Variants in ATG16L1 observed in about 807,000 individuals in gnomAD.
ATG16L1 encodes autophagy related 16 like 1.
A neutral mutation model predicts 88.5 loss-of-function variants in ATG16L1; 37 were observed. The observed-to-expected ratio is 0.42, with a 90% CI of 0.32 to 0.55. ATG16L1 has a LOEUF of 0.55. ATG16L1 is among the 20% of genes least tolerant of loss of function. The pLI is 0.13. For missense variants in ATG16L1, 554 were observed against 752.8 expected (o/e 0.74, Z 3.09); for synonymous variants, 301 against 281.0 (o/e 1.07, Z -0.71).
Position 233,292,180 on chromosome 2 carries a change from G to C in ATG16L1, c.1483G>C (p.Asp495His). 2.5e-6 allele frequency: 4 copies of C among 1,614,188 alleles called. No homozygotes were observed. Among genetic ancestry groups the C allele is most frequent in the Non-Finnish European group, 3.4e-6 (4 of 1,180,040 alleles). ...GCTGTTGGGAAAGATTACTGCCCTG[G>C]ACTTAAACCCAGAAAGGACTGAGCT... ...MELLGKITAL[D>H]LNPERTELLS... Residue 495 changes from aspartate (D) to histidine (H), a missense_variant, in exon 15 of 18, where the codon GAC becomes CAC. By Grantham distance (81) the Asp-to-His change is moderately conservative. Transcript: ENST00000392017.
At chr2:233,273,586 G>T in intron 7 of ATG16L1, 135 bp from the exon 8 acceptor site, 1 of 774,944 alleles carries the variant, frequency 1.3e-6, no homozygotes, top group Non-Finnish European at 2.2e-6. Context: ...GTACTGTGTT[G>T]GGTTTCTCTT....
chr2:233,267,692 G>C (rs1196282376), intron 5 of ATG16L1, among the ~76,000 whole-genome samples: 2 of 152,222 alleles, frequency 1.3e-5, no homozygotes, highest in Non-Finnish European at 2.9e-5. Context: ...GAGGGTGTTG[G>C]GGGCCCCAGG....
At chr2:233,268,339 A>G (rs1194621842) in intron 5 of ATG16L1, among the ~76,000 whole-genome samples, 2 of 152,224 alleles carry the variant, frequency 1.3e-5, no homozygotes, top group Non-Finnish European at 2.9e-5. Flanking sequence ...GGTGGCTGTA[A>G]TCCCGGCTAC....
At chr2:233,256,699 T>C (rs1421016975) in intron 2 of ATG16L1, among the ~76,000 whole-genome samples, 3 of 150,918 alleles carry the variant, frequency 2.0e-5, no homozygotes, top group East Asian at 1.9e-4. Flanking sequence ...TTTTCTTTTT[T>C]TTTTTTTTCT....
intron 6 of ATG16L1, among the ~76,000 whole-genome samples, chr2:233,270,347 C>G (rs543643160): frequency 6.6e-6 from 1 of 152,280 alleles, no homozygotes; most frequent in South Asian, 2.1e-4. Flanking sequence ...TTGTATTTTG[C>G]TGGCTTCTAA....
At chr2:233,289,764 A>C (rs1699335109) in intron 12 of ATG16L1, 90 bp from the exon 13 acceptor site, 1 of 1,549,154 alleles carries the variant, frequency 6.5e-7, no homozygotes, top group Non-Finnish European at 8.9e-7. Context: ...TGACACTCTG[A>C]CTCTGGAGGT....
chr2:233,275,962 G>A, intron 9 of ATG16L1: 1 of 519,154 alleles, frequency 1.9e-6, no homozygotes, highest in South Asian at 1.4e-5. Flanking sequence ...TGGCAGTCAT[G>A]GGTGTGATGG....
intron 17 of ATG16L1, 122 bp downstream of exon 17, chr2:233,293,479 G>T (rs577640000): frequency 6.9e-6 from 6 of 866,966 alleles, no homozygotes; most frequent in African/African-American, 6.6e-5. Context: ...CCACCTGCTC[G>T]GCTGGCTGAG....
chr2:233,264,431 G>A lies in ATG16L1; in HGVS notation c.389+366G>A, dbSNP rs533622083. ...CTTGGGAAAAGGGAAATGAGTTTGT[G>A]AGCAAAACTGTTGCTGACCAGGGAG... On this transcript the variant is annotated intron_variant, in intron 4 of 17. Transcript: ENST00000392017. Among the ~76,000 whole-genome samples the A allele has an allele frequency of 2.6e-4, 40 of 152,290 alleles. 1 individual carries two copies. The South Asian group carries it at 7.0e-3, about 27-fold the overall frequency.
intron 4 of ATG16L1, 39 bp downstream of exon 4, chr2:233,264,104 G>A: frequency 6.2e-7 from 1 of 1,607,712 alleles, no homozygotes; most frequent in Non-Finnish European, 8.5e-7. Flanking sequence ...CTGGTCATTG[G>A]GTCCCATGTC....
At chr2:233,274,092 A>G (rs1201296045) in intron 8 of ATG16L1, 4 of 1,496,256 alleles carry the variant, frequency 2.7e-6, no homozygotes, top group South Asian at 2.4e-5. Flanking sequence ...GGTCCTTAAC[A>G]ATTATGCCAA....
intron 12 of ATG16L1, among the ~76,000 whole-genome samples, chr2:233,285,034 G>A (rs1199055562): frequency 6.6e-6 from 1 of 152,244 alleles, no homozygotes; most frequent in East Asian, 1.9e-4. Context: ...GACTAGGGAA[G>A]TGCACTGCTA....
intron 9 of ATG16L1, chr2:233,276,049 G>GT: frequency 2.0e-6 from 1 of 493,224 alleles, no homozygotes; most frequent in Non-Finnish European, 4.1e-6. Context: ...ATTTCATGGG[G>GT]GTAAAAGGTT....
chr2:233,291,909 AC>A (rs1292828540), intron 14 of ATG16L1, among the ~76,000 whole-genome samples: 3 of 152,344 alleles, frequency 2.0e-5, no homozygotes, highest in East Asian at 3.9e-4. Flanking sequence ...GGAAATTCTT[AC>A]CAACTTCAGA....
At chr2:233,264,311 A>G (rs903354446) in intron 4 of ATG16L1, among the ~76,000 whole-genome samples, 4 of 152,214 alleles carry the variant, frequency 2.6e-5, no homozygotes, top group African/African-American at 9.7e-5. Context: ...CAAGTGGCCC[A>G]GAGACACTAG....
At chr2:233,252,478 G>A (rs895664829) in intron 1 of ATG16L1, among the ~76,000 whole-genome samples, 3 of 152,018 alleles carry the variant, frequency 2.0e-5, no homozygotes, top group East Asian at 1.9e-4. Flanking sequence ...AAACTCCCAG[G>A]ATCAAGTGAT....
intron 5 of ATG16L1, among the ~76,000 whole-genome samples, chr2:233,267,326 G>A (rs1697672689): frequency 6.6e-6 from 1 of 152,228 alleles, no homozygotes; most frequent in Non-Finnish European, 1.5e-5. Flanking sequence ...TCTAGCCTGG[G>A]CAGCAGAGCA....
intron 8 of ATG16L1, chr2:233,274,026 C>T: frequency 3.2e-6 from 5 of 1,550,758 alleles, no homozygotes; most frequent in Non-Finnish European, 4.4e-6. Context: ...CATCATTCTT[C>T]TTCTGATGCT....
chr2:233,273,803 A>T, intron 8 of ATG16L1, 26 bp downstream of exon 8: 1 of 1,605,636 alleles, frequency 6.2e-7, no homozygotes, highest in South Asian at 1.1e-5. Context: ...TTTCCTTTTT[A>T]AATGTGTATA....
Sources: gnomAD v4.1 joint callset for allele counts (sites outside exome capture counted in the v4.1 genomes callset) on GRCh38, gnomAD v4.1.1 for gene constraint, MANE v1.5 for transcripts, NCBI Gene and HGNC (gene_info 2026-07-23, HGNC 2026-07-21) for gene names.